The following MYBL1 variants were observed in gnomAD, a reference collection of about 807,000 sequenced individuals.
MYBL1 encodes the protein myb-related protein A.
A neutral mutation model predicts 96.3 loss-of-function variants in MYBL1; 17 were observed. That is an observed-to-expected ratio of 0.18 (90% CI 0.12 to 0.26). MYBL1 has a LOEUF of 0.26. Ranked by LOEUF, MYBL1 falls within the 10% of genes least tolerant of loss-of-function variation. The probability of loss-of-function intolerance (pLI) is 1.00; values close to 1 mark genes in which losing one functional copy is unlikely to be tolerated. For missense variants in MYBL1, 701 were observed against 882.9 expected, an observed-to-expected ratio of 0.79 and a Z score of 2.61; for synonymous variants, 282 against 292.7, an observed-to-expected ratio of 0.96 and a Z score of 0.37.
At chr8:66,590,876 A>G (rs1300678568) in intron 8 of MYBL1, among the ~76,000 whole-genome samples, 1 of 152,192 alleles carries the variant, frequency 6.6e-6, no homozygotes, top group African/African-American at 2.4e-5. Context: ...ACTACAGTTA[A>G]CAATATTAAA....
Position 66,612,877 on chromosome 8 carries a change from C to CG in MYBL1, c.-40dup, listed in dbSNP as rs761215036. On this transcript the variant is annotated 5_prime_UTR_variant, in exon 1 of 16. Transcript: ENST00000522677. ...CATAGGAGCAGGCTGGGCGGGGACG[C>CG]GGGTCAGCCTCCTCCAGCCTCCGGC... 1.2e-5 allele frequency: 16 copies of CG among 1,343,040 alleles called. No individual in the cohort carries two copies. The highest frequency in any genetic ancestry group is 1.5e-5 in the Non-Finnish European group (16 of 1,037,326). 83.2% of individuals were successfully genotyped at this position (1,343,040 alleles called of 1,614,324 possible).
rs1390791704 is a variant in MYBL1, at chr8:66,602,403, T to C, written c.126+15A>G. ...AATACATGTAAGAAACTATGAAACC[T>C]TGTCAGATAATTACCTCGTCCCTTG... On this transcript the variant is annotated intron_variant, in intron 2 of 15. Coordinates refer to ENST00000522677, the MANE Select transcript of MYBL1 (RefSeq NM_001080416.4). The C allele has an allele frequency of 6.5e-7, 1 of 1,543,516 alleles. No individual in the cohort carries two copies. The highest frequency in any genetic ancestry group is 8.8e-7 in the Non-Finnish European group (1 of 1,132,866).
Position 66,576,044 on chromosome 8 carries a change from T to C in MYBL1, c.1433A>G (p.His478Arg). 3 of 1,613,936 alleles carry C rather than the reference T, an allele frequency of 1.9e-6. No individual in the cohort carries two copies. Residue 478 changes from histidine to arginine, a missense_variant, in exon 10 of 16, where the codon CAT becomes CGT. Around this residue, in one of 5 missense-constraint regions of MYBL1, gnomAD observed 396 missense variants for 407.4 expected, o/e 0.97. Transcript: ENST00000522677. Reference protein sequence around the residue: ...LNDGGNMALKHTPLKTLPFSP... With the variant: ...LNDGGNMALKRTPLKTLPFSP... ...AAATGGTAGTGTTTTCAGTGGTGTA[T>C]GTTTTAGCGCCATATTACCACCATC...
chr8:66,594,784 TAAC>T (rs1454220260), intron 6 of MYBL1, among the ~76,000 whole-genome samples: 1 of 152,282 alleles, frequency 6.6e-6, no homozygotes, highest in East Asian at 1.9e-4. Flanking sequence ...TTAAAAAACT[TAAC>T]AATGTCCACA....
chr8:66,612,896 C>A lies in MYBL1; in HGVS notation c.-58G>T. On this transcript the variant is annotated 5_prime_UTR_variant, in exon 1 of 16. In the 5' UTR this introduces an upstream ATG that the reference lacks. Transcript: ENST00000522677. Reference sequence around the variant, plus strand: ...GGGACGCGGGTCAGCCTCCTCCAGCCTCCGGCGAATGCTCCTTCTCCCCGA... The same window carrying A: ...GGGACGCGGGTCAGCCTCCTCCAGCATCCGGCGAATGCTCCTTCTCCCCGA... 1 of 1,329,202 alleles carries A rather than the reference C, an allele frequency of 7.5e-7. No homozygotes were observed. The highest frequency in any genetic ancestry group is 2.8e-5 in the East Asian group (1 of 35,784). 82.3% of individuals were successfully genotyped at this position (1,329,202 alleles called of 1,614,324 possible).
Position 66,580,121 on chromosome 8 carries a change from T to A in MYBL1, c.1101+12A>T, listed in dbSNP as rs1482062124. Reference sequence around the variant, plus strand: ...AATTGAACTTTTGATAATCTTACAATTTTTTACTTACAGATTCAATAAGTT... The same window carrying A: ...AATTGAACTTTTGATAATCTTACAAATTTTTACTTACAGATTCAATAAGTT... On this transcript the variant is annotated intron_variant, in intron 9 of 15. Coordinates refer to ENST00000522677, the MANE Select transcript of MYBL1 (RefSeq NM_001080416.4). 1.9e-6 allele frequency: 3 copies of A among 1,570,124 alleles called. No individual in the cohort carries two copies. Among genetic ancestry groups the A allele is most frequent in the South Asian group, 2.3e-5 (2 of 88,482 alleles).
chr8:66,602,907 A>G (rs2130024878), intron 1 of MYBL1, among the ~76,000 whole-genome samples: 1 of 150,954 alleles, frequency 6.6e-6, no homozygotes, highest in South Asian at 2.1e-4. Context: ...CACTACGCCC[A>G]GCTAATTTTT....
chr8:66,583,673 G>C (rs1423262227), intron 8 of MYBL1, among the ~76,000 whole-genome samples: 3 of 151,888 alleles, frequency 2.0e-5, no homozygotes, highest in African/African-American at 7.2e-5. Flanking sequence ...GATCATTAGA[G>C]GTTATCATGA....
Position 66,574,348 on chromosome 8 carries a change from C to G in MYBL1, c.1471-842G>C, listed in dbSNP as rs1808850691. Among the ~76,000 whole-genome samples the G allele has an allele frequency of 3.3e-5, 5 of 152,190 alleles. No individual in the cohort carries two copies. The South Asian group carries it at 1.0e-3, about 31-fold the overall frequency. On this transcript the variant is annotated intron_variant, in intron 10 of 15. Transcript: ENST00000522677. ...TTCACACTTCAACAAAAATTGCTAG[C>G]ATGCAAAACTCCAGAATAGAAAACT...
Position 66,564,684 on chromosome 8 carries a change from A to G in MYBL1, c.*13T>C. ...AGTAAGGGAGTGGGGCATTTCATCA[A>G]TTTTAATAACAATTACAGTATGAGA... On this transcript the variant is annotated 3_prime_UTR_variant, in exon 16 of 16. Transcript: ENST00000522677. The G allele has an allele frequency of 1.9e-6, 3 of 1,557,880 alleles. No individual in the cohort carries two copies. Among genetic ancestry groups the G allele is most frequent in the African/African-American group, 1.4e-5 (1 of 73,458 alleles).
chr8:66,592,366 T>C, intron 8 of MYBL1, 74 bp downstream of exon 8: 1 of 1,026,392 alleles, frequency 9.7e-7, no homozygotes, highest in South Asian at 1.5e-5. Flanking sequence ...CTGAGTATGC[T>C]TTCTAGCTGA....
chr8:66,587,708 T>G (rs1809475793), intron 8 of MYBL1, among the ~76,000 whole-genome samples: 2 of 152,186 alleles, frequency 1.3e-5, no homozygotes, highest in Non-Finnish European at 2.9e-5. Flanking sequence ...CTCCAAACTT[T>G]CTGAGATGAT....
At chr8:66,604,665 A>T (rs190203523) in intron 1 of MYBL1, among the ~76,000 whole-genome samples, 1 of 152,346 alleles carries the variant, frequency 6.6e-6, no homozygotes, top group Non-Finnish European at 1.5e-5. Flanking sequence ...GGTAAATGTG[A>T]CAAAAATCTG....
Position 66,563,349 on chromosome 8 carries a change from A to G in MYBL1, c.*1348T>C, listed in dbSNP as rs1187911397. 6.6e-6 allele frequency: 1 copy of G among 152,580 alleles called. No individual in the cohort carries two copies. Among genetic ancestry groups the G allele is most frequent in the Non-Finnish European group, 1.5e-5 (1 of 68,006 alleles). The allele number at this position is 152,580 out of a possible 1,614,324, so 9.5% of individuals were successfully genotyped here. On this transcript the variant is annotated 3_prime_UTR_variant, in exon 16 of 16. Transcript: ENST00000522677. ...AATTCTATTTACCTGTCAGTGTTTA[A>G]GTTGACAGCACACCATTATATGACT...
chr8:66,606,781 A>T (rs368332250), intron 1 of MYBL1, among the ~76,000 whole-genome samples: 7 of 150,902 alleles, frequency 4.6e-5, no homozygotes, highest in East Asian at 3.9e-4. Flanking sequence ...CTCCTTCCAT[A>T]CATGGCTGTT....
rs987309201 is a variant in MYBL1 at position 66,562,417 on chromosome 8, C to T, written c.*2280G>A. 6.6e-6 allele frequency: 1 copy of T among 152,422 alleles called. No individual in the cohort carries two copies. The highest frequency in any genetic ancestry group is 1.5e-5 in the Non-Finnish European group (1 of 67,972). 9.4% of individuals were successfully genotyped at this position (152,422 alleles called of 1,614,324 possible). A position where few individuals can be genotyped will look rare whatever the true frequency, so the allele number is the denominator to read the frequency against. On this transcript the variant is annotated 3_prime_UTR_variant, in exon 16 of 16. Transcript: ENST00000522677. Reference sequence around the variant, plus strand: ...ACATACTGAAAGAAACTCAGAGGAACAAAACAGTATAAAGGTGACTTAAGA... The same window carrying T: ...ACATACTGAAAGAAACTCAGAGGAATAAAACAGTATAAAGGTGACTTAAGA...
chr8:66,598,521 A>G (rs1265361287), intron 4 of MYBL1, among the ~76,000 whole-genome samples: 1 of 152,242 alleles, frequency 6.6e-6, no homozygotes. Flanking sequence ...TTAACTAAAG[A>G]GTGCAGAAAC....
At chr8:66,602,721 ATATATATATATATTTTTTTTTTT>A (rs1810135718) in intron 1 of MYBL1, among the ~76,000 whole-genome samples, 198 bp from the exon 2 acceptor site, 2 of 42,564 alleles carry the variant, frequency 4.7e-5, no homozygotes, top group African/African-American at 2.3e-4. Context: ...ATATATATAT[ATATATATATATATTTTTTTTTTT>A]TTTTTTTTTT....
At chr8:66,592,848 A>G (rs1411942493) in intron 7 of MYBL1, among the ~76,000 whole-genome samples, 1 of 152,150 alleles carries the variant, frequency 6.6e-6, no homozygotes, top group Admixed American at 6.5e-5. Context: ...TATATTCTAT[A>G]CAATTTAGCA....
Sources: allele counts gnomAD v4.1 joint callset (sites outside exome capture counted in the v4.1 genomes callset), GRCh38; gene constraint gnomAD v4.1.1; regional missense constraint gnomAD v4.1.1; transcripts MANE v1.5; gene names NCBI Gene and HGNC (gene_info 2026-07-23, HGNC 2026-07-21).